Variants in NRXN1 observed in about 807,000 individuals in gnomAD.
The protein encoded by NRXN1 is neurexin-1.
Under a neutral mutation model 150.9 loss-of-function variants are expected in NRXN1, and 39 were observed. That is an observed-to-expected ratio of 0.26 (90% CI 0.20 to 0.34). The LOEUF is 0.34. Ranked by LOEUF, NRXN1 falls within the 10% of genes least tolerant of loss-of-function variation. The pLI, the probability that NRXN1 is intolerant of heterozygous loss-of-function variation, is 1.00. For missense variants in NRXN1, 1,815 were observed against 1,949.9 expected (o/e 0.93, Z 1.30); for synonymous variants, 924 against 757.0 (o/e 1.22, Z -3.62).
In NRXN1 at chr2:50,465,479, A is replaced by G. The variant is rs200286439; in HGVS notation, c.3327T>C (p.Cys1109=). Reference sequence around the variant, plus strand: ...GTGGTCCACTGAAGGAAGTCATACTACAGTCACAGCTGAAGCCATCCCATT... The same window carrying G: ...GTGGTCCACTGAAGGAAGTCATACTGCAGTCACAGCTGAAGCCATCCCATT... ...LQQWDGFSCD[C]SMTSFSGPLC... The change falls in exon 17 of 23, where the codon TGT becomes TGC. Residue 1109 remains cysteine (C), a synonymous_variant. Transcript: ENST00000401669. 4 of 1,610,494 alleles carry G rather than the reference A, an allele frequency of 2.5e-6. No individual in the cohort carries two copies. Among genetic ancestry groups the G allele is most frequent in the Non-Finnish European group, 3.4e-6 (4 of 1,177,972 alleles).
At chr2:50,186,120 T>C (rs1225187403) in intron 18 of NRXN1, among the ~76,000 whole-genome samples, 1 of 152,110 alleles carries the variant, frequency 6.6e-6, no homozygotes, top group African/African-American at 2.4e-5. Context: ...GCATTTTCCA[T>C]GATTTGAATG....
chr2:50,062,616 G>A (rs565433764), intron 19 of NRXN1, among the ~76,000 whole-genome samples: 1 of 152,154 alleles, frequency 6.6e-6, no homozygotes, highest in Non-Finnish European at 1.5e-5. Context: ...GTAGCACAAA[G>A]CAATAAAACT....
intron 5 of NRXN1, among the ~76,000 whole-genome samples, chr2:50,813,654 T>A (rs749337430): frequency 3.3e-5 from 5 of 152,198 alleles, no homozygotes; most frequent in African/African-American, 4.8e-5. Context: ...TAAGTCTGAA[T>A]CAGCTAGATA....
intron 5 of NRXN1, among the ~76,000 whole-genome samples, chr2:50,904,440 A>G (rs1683379198): frequency 1.3e-5 from 2 of 152,114 alleles, no homozygotes; most frequent in African/African-American, 2.4e-5. Context: ...TTGGGAACAT[A>G]AACGATGGTA....
intron 5 of NRXN1, among the ~76,000 whole-genome samples, chr2:50,872,092 C>T (rs1309946092): frequency 1.3e-5 from 2 of 151,868 alleles, no homozygotes; most frequent in African/African-American, 4.8e-5. Flanking sequence ...TCACATATTT[C>T]GCCCTCCATT....
At chr2:50,066,667 C>T (rs1487240030) in intron 19 of NRXN1, among the ~76,000 whole-genome samples, 2 of 151,726 alleles carry the variant, frequency 1.3e-5, no homozygotes, top group Non-Finnish European at 2.9e-5. Context: ...ACAAGTATGA[C>T]CAATAATGGT....
At chr2:50,724,758 A>AT (rs1697117775) in intron 5 of NRXN1, among the ~76,000 whole-genome samples, 1 of 152,140 alleles carries the variant, frequency 6.6e-6, no homozygotes, top group African/African-American at 2.4e-5. Flanking sequence ...AAAAGAATAC[A>AT]TATGTGTGTG....
intron 8 of NRXN1, among the ~76,000 whole-genome samples, chr2:50,577,691 G>A (rs1490366377): frequency 1.3e-5 from 2 of 150,300 alleles, no homozygotes; most frequent in African/African-American, 2.5e-5. Flanking sequence ...TTTAGTCACG[G>A]TAATAGTACC....
chr2:50,461,308 T>C (rs941228805), intron 17 of NRXN1, among the ~76,000 whole-genome samples: 7 of 151,960 alleles, frequency 4.6e-5, no homozygotes, highest in African/African-American at 1.7e-4. Context: ...CCTCCTAAGC[T>C]GTAGCACCAA....
At chr2:50,733,634 T>C (rs944075739) in intron 5 of NRXN1, among the ~76,000 whole-genome samples, 3 of 152,114 alleles carry the variant, frequency 2.0e-5, no homozygotes, top group Middle Eastern at 3.2e-3. Context: ...CAGAAGTAAC[T>C]GTTGTATAAG....
intron 8 of NRXN1, among the ~76,000 whole-genome samples, chr2:50,590,739 C>G (rs544642543): frequency 6.6e-6 from 1 of 152,128 alleles, no homozygotes; most frequent in Non-Finnish European, 1.5e-5. Flanking sequence ...GATCATGAAT[C>G]AGAAAATGGG....
chr2:50,593,277 G>T (rs1208541516), intron 8 of NRXN1, among the ~76,000 whole-genome samples: 1 of 152,128 alleles, frequency 6.6e-6, no homozygotes, highest in Non-Finnish European at 1.5e-5. Context: ...ATTCCAGTCA[G>T]CCCAGCTCCA....
At chr2:50,183,973 G>A (rs1358321300) in intron 18 of NRXN1, among the ~76,000 whole-genome samples, 10 of 151,846 alleles carry the variant, frequency 6.6e-5, no homozygotes, top group South Asian at 2.1e-4. Context: ...AAGTACATTC[G>A]CACTGATGTA....
chr2:50,037,618 A>T (rs72889556), intron 21 of NRXN1, among the ~76,000 whole-genome samples: 4,947 of 152,336 alleles, frequency 0.032, 267 homozygotes, highest in African/African-American at 0.11. Flanking sequence ...ACCACATCAT[A>T]TACTTCCAAC....
intron 18 of NRXN1, among the ~76,000 whole-genome samples, chr2:50,091,822 C>G (rs1011339647): frequency 2.6e-5 from 4 of 152,156 alleles, no homozygotes; most frequent in Non-Finnish European, 4.4e-5. Flanking sequence ...CCCTTTAATC[C>G]ACTCTCCCCA....
At chr2:50,705,858 C>T (rs1378510306) in intron 5 of NRXN1, among the ~76,000 whole-genome samples, 1 of 152,120 alleles carries the variant, frequency 6.6e-6, no homozygotes, top group Non-Finnish European at 1.5e-5. Flanking sequence ...CATAAAAGAT[C>T]TGCACAGACA....
intron 15 of NRXN1, among the ~76,000 whole-genome samples, chr2:50,494,607 G>A (rs1258420569): frequency 1.3e-5 from 2 of 152,136 alleles, no homozygotes; most frequent in African/African-American, 2.4e-5. Flanking sequence ...GAAGGGAGAC[G>A]GCCATTACCA....
intron 12 of NRXN1, among the ~76,000 whole-genome samples, chr2:50,522,720 A>ATTTTTTTTTTTT (rs869200431): frequency 2.1e-5 from 1 of 47,726 alleles, no homozygotes; most frequent in Admixed American, 3.4e-4. Flanking sequence ...ATTTTTATTC[A>ATTTTTTTTTTTT]TTTTTTTTTT....
intron 18 of NRXN1, among the ~76,000 whole-genome samples, chr2:50,176,142 T>C (rs1424731451): frequency 6.6e-6 from 1 of 152,176 alleles, no homozygotes; most frequent in South Asian, 2.1e-4. Flanking sequence ...AAGGTTTTCA[T>C]CTTCCACCAT....
Sources: gnomAD v4.1 joint callset for allele counts (sites outside exome capture counted in the v4.1 genomes callset) on GRCh38, gnomAD v4.1.1 for gene constraint, MANE v1.5 for transcripts, NCBI Gene and HGNC (gene_info 2026-07-23, HGNC 2026-07-21) for gene names.